LINGO2: variants seen among roughly 807,000 people sequenced by gnomAD.
LINGO2 encodes leucine rich repeat and Ig domain containing 2.
LINGO2 carries 14 observed loss-of-function variants against 30.6 expected under a neutral mutation model. The observed-to-expected ratio is 0.46, with a 90% CI of 0.30 to 0.72. The LOEUF (loss-of-function observed/expected upper bound fraction) is 0.72, where lower values mean the gene tolerates loss of function less well. Among genes scored for constraint, LINGO2 ranks in the 30% least tolerant of loss-of-function variants. The probability of loss-of-function intolerance (pLI) is 0.07; values close to 1 mark genes in which losing one functional copy is unlikely to be tolerated. For synonymous variants in LINGO2, 317 were observed against 288.5 expected, an observed-to-expected ratio of 1.10 and a Z score of -1.00; for missense variants, 729 against 751.7, an observed-to-expected ratio of 0.97 and a Z score of 0.35.
At chr9:28,362,952 G>C (rs1251429438) in intron 3 of LINGO2, among the ~76,000 whole-genome samples, 1 of 152,162 alleles carries the variant, frequency 6.6e-6, no homozygotes, top group Non-Finnish European at 1.5e-5. Flanking sequence ...GAACTTAAGG[G>C]AACTGCTTAT....
At chr9:27,981,461 C>A (rs1820849663) in intron 5 of LINGO2, among the ~76,000 whole-genome samples, 1 of 132,484 alleles carries the variant, frequency 7.5e-6, no homozygotes, top group African/African-American at 3.0e-5. Flanking sequence ...TTCCCAGTGG[C>A]AGAATGAGGG....
rs926735406 is a variant in LINGO2 at position 28,303,047 on chromosome 9, T to C, written c.-245-7681A>G. Among the ~76,000 whole-genome samples, 7 of 152,156 alleles carry C rather than the reference T, an allele frequency of 4.6e-5. 1 individual carries two copies. In the South Asian group the frequency reaches 1.4e-3, roughly 31 times the overall value. On this transcript the variant is annotated intron_variant, in intron 3 of 5. Transcript: ENST00000379992. ...TTGTCCTATCAATTTGCTTTTGATT[T>C]CCCACATCAAGAATAAAGCCAGATC... is the stretch of plus-strand genomic sequence containing the variant.
chr9:28,385,614 C>G (rs1412226), intron 2 of LINGO2, among the ~76,000 whole-genome samples: 1 of 151,962 alleles, frequency 6.6e-6, no homozygotes, highest in Non-Finnish European at 1.5e-5. Flanking sequence ...GGAAATGGAG[C>G]GAACAAAAGA....
At chr9:28,546,460 T>A (rs1414083591) in intron 1 of LINGO2, among the ~76,000 whole-genome samples, 5 of 152,080 alleles carry the variant, frequency 3.3e-5, no homozygotes, top group Non-Finnish European at 1.5e-5. Flanking sequence ...CAGCAAGGCT[T>A]GTTTGTTCAG....
the LINGO2 span, among the ~76,000 whole-genome samples, chr9:28,770,609 T>A: frequency 1.8e-4 from 28 of 152,202 alleles, no homozygotes; most frequent in African/African-American, 6.3e-4. Flanking sequence ...TTACATTACG[T>A]GCTGGGTTAA....
At chr9:29,193,550 T>G in the LINGO2 span, among the ~76,000 whole-genome samples, 3 of 152,324 alleles carry the variant, frequency 2.0e-5, no homozygotes, top group Middle Eastern at 3.4e-3. Flanking sequence ...AGTATAATTT[T>G]TATTCCAAAT....
In LINGO2 at chr9:28,543,198, C is replaced by A. The variant is rs181802951; in HGVS notation, c.-364-67173G>T. Among the ~76,000 whole-genome samples the A allele has an allele frequency of 2.9e-3, 435 of 152,148 alleles. 6 individuals are homozygous for A. The highest frequency in any genetic ancestry group is 9.9e-3 in the African/African-American group (413 of 41,546). On this transcript the variant is annotated intron_variant, in intron 1 of 5. Coordinates refer to ENST00000379992, the Ensembl canonical transcript of LINGO2. The stretch of plus-strand genomic sequence containing the variant: ...AAATGTCTTTAGCAGATTTAACAAG[C>A]CTCTGACTTTCCCACTTACAAGTTG...
chr9:27,954,516 C>T (rs1819469004), intron 5 of LINGO2, among the ~76,000 whole-genome samples: 1 of 152,150 alleles, frequency 6.6e-6, no homozygotes, highest in South Asian at 2.1e-4. Context: ...TTGCTGCAAA[C>T]AACACTTTAT....
intron 1 of LINGO2, among the ~76,000 whole-genome samples, chr9:28,553,547 G>C (rs954234091): frequency 2.6e-5 from 4 of 152,126 alleles, no homozygotes; most frequent in East Asian, 1.9e-4. Context: ...GTGATGGGGA[G>C]AATGGAACCA....
the LINGO2 span, among the ~76,000 whole-genome samples, chr9:28,778,341 G>T: frequency 2.0e-5 from 3 of 151,964 alleles, no homozygotes; most frequent in Non-Finnish European, 4.4e-5. Flanking sequence ...TTTCTTATCA[G>T]TAACTCAGAA....
At chr9:28,985,913 G>T in the LINGO2 span, among the ~76,000 whole-genome samples, 1 of 151,606 alleles carries the variant, frequency 6.6e-6, no homozygotes, top group Admixed American at 6.6e-5. Flanking sequence ...CACTTTGGGG[G>T]GTCAAATAAA....
chr9:29,008,882 T>G, the LINGO2 span, among the ~76,000 whole-genome samples: 1 of 152,052 alleles, frequency 6.6e-6, no homozygotes, highest in African/African-American at 2.4e-5. Flanking sequence ...GTTCAACATA[T>G]GCAAATCAAT....
chr9:29,139,298 G>T, the LINGO2 span, among the ~76,000 whole-genome samples: 1 of 152,126 alleles, frequency 6.6e-6, no homozygotes. Context: ...GCAGCTAAAT[G>T]ACCCAGATAT....
At chr9:28,693,672 T>G in the LINGO2 span, among the ~76,000 whole-genome samples, 7 of 152,134 alleles carry the variant, frequency 4.6e-5, no homozygotes, top group Non-Finnish European at 8.8e-5. Context: ...AAGTTCTCAT[T>G]CAAAGTACAG....
intron 4 of LINGO2, among the ~76,000 whole-genome samples, chr9:28,092,881 G>A (rs1826137308): frequency 6.6e-6 from 1 of 151,938 alleles, no homozygotes; most frequent in Non-Finnish European, 1.5e-5. Context: ...TGTTTACTGA[G>A]CCCTTCTCAT....
chr9:28,178,989 A>G (rs928514784), intron 4 of LINGO2, among the ~76,000 whole-genome samples: 2 of 152,136 alleles, frequency 1.3e-5, no homozygotes, highest in African/African-American at 4.8e-5. Flanking sequence ...ACTTGAAGAG[A>G]GACAAATTGA....
intron 4 of LINGO2, among the ~76,000 whole-genome samples, chr9:28,172,016 C>T (rs1252598126): frequency 2.3e-5 from 1 of 44,036 alleles, no homozygotes. Context: ...GACTCCGTCT[C>T]AAAAAAAAAA....
intron 1 of LINGO2, among the ~76,000 whole-genome samples, chr9:28,657,908 GC>G (rs893923338): frequency 2.6e-5 from 4 of 151,814 alleles, no homozygotes; most frequent in African/African-American, 9.7e-5. Flanking sequence ...CTTTAACACT[GC>G]TTTTACTGCC....
At chr9:28,234,869 C>T (rs191145285) in intron 4 of LINGO2, among the ~76,000 whole-genome samples, 130 of 152,254 alleles carry the variant, frequency 8.5e-4, no homozygotes, top group Admixed American at 1.6e-3. Context: ...TTTATATATA[C>T]GTATACACCA....
Sources: allele counts gnomAD v4.1 joint callset (sites outside exome capture counted in the v4.1 genomes callset), GRCh38; gene constraint gnomAD v4.1.1; transcripts MANE v1.5; gene names NCBI Gene and HGNC (gene_info 2026-07-23, HGNC 2026-07-21).